Variants in MCTP2 observed in about 807,000 individuals in gnomAD.
MCTP2 encodes multiple C2 and transmembrane domain containing 2.
Under a neutral mutation model 111.6 loss-of-function variants are expected in MCTP2, and 132 were observed. The ratio of observed to expected loss-of-function variants is 1.18; its 90% CI spans 1.03 to 1.37. The LOEUF (loss-of-function observed/expected upper bound fraction) is 1.37. Ranked by LOEUF, MCTP2 falls within the 40% of genes most tolerant of loss-of-function variation. The pLI is 0.00. For missense variants in MCTP2, 1,183 were observed against 1,067.9 expected (o/e 1.11, Z -1.50); for synonymous variants, 395 against 387.7 (o/e 1.02, Z -0.22).
chr15:94,457,844 G>C (rs970507596), intron 19 of MCTP2, among the ~76,000 whole-genome samples: 5 of 152,160 alleles, frequency 3.3e-5, no homozygotes, highest in Non-Finnish European at 5.9e-5. Context: ...AATTCTGCGA[G>C]GGACGCGGCA....
At chr15:94,236,454 A>G (rs567424092) in intron 1 of MCTP2, among the ~76,000 whole-genome samples, 5 of 132,938 alleles carry the variant, frequency 3.8e-5, no homozygotes, top group Non-Finnish European at 7.6e-5. Flanking sequence ...ATGTACAGAT[A>G]GTGACATGGA....
chr15:94,427,116 G>C (rs917243885), intron 17 of MCTP2, among the ~76,000 whole-genome samples: 1 of 152,084 alleles, frequency 6.6e-6, no homozygotes, highest in Non-Finnish European at 1.5e-5. Flanking sequence ...TGTCCAGCTT[G>C]ACTGTCTGCT....
chr15:94,295,830 G>A (rs1021199427), intron 1 of MCTP2, among the ~76,000 whole-genome samples: 4 of 151,668 alleles, frequency 2.6e-5, no homozygotes, highest in Non-Finnish European at 5.9e-5. Context: ...TGGGAGGGTC[G>A]CTTGAGCCCA....
intron 17 of MCTP2, among the ~76,000 whole-genome samples, chr15:94,432,385 T>C (rs2083240118): frequency 6.6e-6 from 1 of 152,186 alleles, no homozygotes; most frequent in East Asian, 1.9e-4. Context: ...TATTATTATA[T>C]ATTTAATGTA....
intron 12 of MCTP2, among the ~76,000 whole-genome samples, chr15:94,377,936 G>C (rs2079869099): frequency 6.6e-6 from 1 of 152,118 alleles, no homozygotes; most frequent in Admixed American, 6.6e-5. Flanking sequence ...AGGTCTGGAA[G>C]AAAGCAAGCA....
intron 21 of MCTP2, 27 bp downstream of exon 21, chr15:94,470,469 G>A: frequency 1.4e-6 from 2 of 1,411,826 alleles, no homozygotes; most frequent in Non-Finnish European, 2.0e-6. Context: ...CCTTTTGCTA[G>A]CAATCAATTC....
chr15:94,448,194 T>A (rs372275681), intron 19 of MCTP2, among the ~76,000 whole-genome samples: 3 of 152,214 alleles, frequency 2.0e-5, no homozygotes, highest in Non-Finnish European at 4.4e-5. Flanking sequence ...TTTGACTTGA[T>A]AACCTTTAGA....
At chr15:94,388,975 C>A (rs1009311551) in intron 14 of MCTP2, among the ~76,000 whole-genome samples, 1 of 151,988 alleles carries the variant, frequency 6.6e-6, no homozygotes, top group Non-Finnish European at 1.5e-5. Flanking sequence ...CCGTCAGGGT[C>A]GGGGTTGGGG....
At chr15:94,449,872 C>G (rs1292553334) in intron 19 of MCTP2, among the ~76,000 whole-genome samples, 1 of 152,190 alleles carries the variant, frequency 6.6e-6, no homozygotes, top group East Asian at 1.9e-4. Context: ...ACAGTAGTTA[C>G]AGTTATAGAA....
At chr15:94,281,218 A>G (rs1004207136) in intron 1 of MCTP2, among the ~76,000 whole-genome samples, 2 of 152,078 alleles carry the variant, frequency 1.3e-5, no homozygotes, top group Non-Finnish European at 2.9e-5. Context: ...GGCCTTTACA[A>G]GCTTGTTTTA....
intron 20 of MCTP2, among the ~76,000 whole-genome samples, chr15:94,466,830 A>ATATT (rs1302334554): frequency 3.3e-5 from 5 of 151,292 alleles, no homozygotes; most frequent in African/African-American, 1.2e-4. Flanking sequence ...TTTTCTGTTG[A>ATATT]TATTAGTATT....
At chr15:94,370,250 C>A in intron 12 of MCTP2, 70 bp downstream of exon 12, 3 of 1,251,986 alleles carry the variant, frequency 2.4e-6, no homozygotes, top group Admixed American at 2.0e-5. Flanking sequence ...CCTGGCAAAG[C>A]AAAATGCTTA....
intron 1 of MCTP2, among the ~76,000 whole-genome samples, chr15:94,257,369 T>C (rs2072844928): frequency 6.6e-6 from 1 of 151,958 alleles, no homozygotes. Context: ...TGAAAGCAGA[T>C]TCCTAGCATC....
chr15:94,340,935 CCTT>C lies in MCTP2; in HGVS notation c.969+14_969+16del, dbSNP rs1567469788. On this transcript the variant is annotated intron_variant, in intron 7 of 22. Transcript: ENST00000357742. The stretch of plus-strand genomic sequence containing the variant: ...GATTTCAAGAGACACGTAAGTGGGA[CCTT>C]CTATTCTTTTGAAACCTCTCATTTT... The C allele has an allele frequency of 6.6e-7, 1 of 1,526,316 alleles. No individual in the cohort carries two copies. The highest frequency in any genetic ancestry group is 1.7e-5 in the Admixed American group (1 of 59,844). 94.5% of individuals were successfully genotyped at this position (1,526,316 alleles called of 1,614,324 possible). A position where few individuals can be genotyped will look rare whatever the true frequency, so the allele number is the denominator to read the frequency against.
chr15:94,477,854 ATTAC>A (rs1307542047), intron 22 of MCTP2, among the ~76,000 whole-genome samples: 3 of 152,182 alleles, frequency 2.0e-5, no homozygotes, highest in South Asian at 2.1e-4. Context: ...TAACATTTGT[ATTAC>A]TTAATTAAAA....
At chr15:94,348,620 T>C (rs2078130802) in intron 8 of MCTP2, among the ~76,000 whole-genome samples, 1 of 149,412 alleles carries the variant, frequency 6.7e-6, no homozygotes, top group African/African-American at 2.5e-5. Flanking sequence ...ACTTCTGTCA[T>C]CTTCTAGGTG....
At chr15:94,419,031 ATAGTT>A (rs1040378499) in intron 17 of MCTP2, among the ~76,000 whole-genome samples, 5 of 152,160 alleles carry the variant, frequency 3.3e-5, no homozygotes, top group African/African-American at 1.2e-4. Flanking sequence ...AATGTTCAGT[ATAGTT>A]ATACTGTGAA....
At position 94,340,198 on chromosome 15, in the gene MCTP2, G is replaced by C. The variant is rs971984155; in HGVS notation, c.781-1G>C. On this transcript the variant is annotated splice_acceptor_variant, in intron 5 of 22. Coordinates refer to ENST00000357742, the MANE Select transcript of MCTP2 (RefSeq NM_001385001.1). LOFTEE classifies it high-confidence loss of function. ...TTAATTGACCTCTGTCCTCTTTGTA[G>C]GTATATGATCGAGATTTAACCACAT... The C allele has an allele frequency of 3.7e-6, 6 of 1,608,108 alleles. No individual in the cohort carries two copies. The South Asian group carries it at 6.6e-5, about 18-fold the overall frequency.
At chr15:94,267,835 A>G (rs2073635759) in intron 1 of MCTP2, among the ~76,000 whole-genome samples, 1 of 147,008 alleles carries the variant, frequency 6.8e-6, no homozygotes. Flanking sequence ...TTTCAAATGT[A>G]ATGGCATGGG....
Sources: allele counts gnomAD v4.1 joint callset (sites outside exome capture counted in the v4.1 genomes callset), GRCh38; gene constraint gnomAD v4.1.1; transcripts MANE v1.5; gene names NCBI Gene and HGNC (gene_info 2026-07-23, HGNC 2026-07-21).